R3HDM2: variants seen among roughly 807,000 people sequenced by gnomAD.
The protein encoded by R3HDM2 is R3H domain-containing protein 2.
Under a neutral mutation model 124.5 loss-of-function variants are expected in R3HDM2, and 38 were observed. That is an observed-to-expected ratio of 0.31 (90% CI 0.24 to 0.40). R3HDM2 has a LOEUF of 0.40. Ranked by LOEUF, R3HDM2 falls within the 10% of genes least tolerant of loss-of-function variation. R3HDM2 has a pLI of 1.00. For missense variants in R3HDM2, 869 were observed against 1,236.9 expected (o/e 0.70, Z 4.46); for synonymous variants, 391 against 448.0 (o/e 0.87, Z 1.61).
At chr12:57,258,334 ATTTAT>A (rs1002758228) in intron 20 of R3HDM2, among the ~76,000 whole-genome samples, 197 bp from the exon 21 acceptor site, 2 of 150,538 alleles carry the variant, frequency 1.3e-5, no homozygotes, top group Non-Finnish European at 3.0e-5. Context: ...TTATTTATTT[ATTTAT>A]TTATTTATTT....
chr12:57,370,402 G>T (rs530874911), intron 2 of R3HDM2, among the ~76,000 whole-genome samples: 5 of 131,924 alleles, frequency 3.8e-5, no homozygotes, highest in Admixed American at 1.5e-4. Flanking sequence ...AGGCCCGGGG[G>T]GGGGGGGCGG....
chr12:57,297,555 T>C lies in R3HDM2; in HGVS notation c.501-168A>G, dbSNP rs1485971301. 2.0e-5 allele frequency among the ~76,000 whole-genome samples: 3 copies of C among 152,320 alleles called. No individual in the cohort carries two copies. In the East Asian group the frequency reaches 5.8e-4, roughly 29 times the overall value. ...GCTGCTAAGCCTCACTTGCCTGTTT[T>C]ACAATATTTTTAAAAAGAAAAACAA... On this transcript the variant is annotated intron_variant, in intron 7 of 23. Transcript: ENST00000402412.
chr12:57,368,920 C>T (rs1594042154), intron 2 of R3HDM2, among the ~76,000 whole-genome samples: 1 of 152,248 alleles, frequency 6.6e-6, no homozygotes, highest in Non-Finnish European at 1.5e-5. Context: ...TGTTCTCTAA[C>T]TTTGCACACA....
At chr12:57,429,518 T>C (rs1466376658) in intron 1 of R3HDM2, among the ~76,000 whole-genome samples, 1 of 151,882 alleles carries the variant, frequency 6.6e-6, no homozygotes, top group Non-Finnish European at 1.5e-5. Flanking sequence ...AGCCCAGGAG[T>C]TCCAGACCAG....
At chr12:57,344,795 A>G (rs553411391) in intron 2 of R3HDM2, among the ~76,000 whole-genome samples, 1 of 152,216 alleles carries the variant, frequency 6.6e-6, no homozygotes, top group East Asian at 1.9e-4. Context: ...GAATTTCAAC[A>G]CTAAAGGAAA....
At chr12:57,402,743 C>A (rs563875919) in intron 1 of R3HDM2, among the ~76,000 whole-genome samples, 1 of 151,972 alleles carries the variant, frequency 6.6e-6, no homozygotes, top group Non-Finnish European at 1.5e-5. Flanking sequence ...GTCCTCCAGT[C>A]TGGGCAACAA....
intron 2 of R3HDM2, among the ~76,000 whole-genome samples, chr12:57,383,467 C>T (rs2065205506): frequency 6.6e-6 from 1 of 151,968 alleles, no homozygotes; most frequent in Non-Finnish European, 1.5e-5. Context: ...CTTTGGAAGG[C>T]CGAGGTGGGT....
chr12:57,367,291 A>G lies in R3HDM2; in HGVS notation c.-36+28458T>C, dbSNP rs191039755. Among the ~76,000 whole-genome samples the G allele has an allele frequency of 3.3e-5, 5 of 152,340 alleles. No individual in the cohort carries two copies. In the East Asian group the frequency reaches 9.6e-4, roughly 29 times the overall value. ...CTAAAGCTAAAGCATCCATGACAGGAAAGTTCAATAGAACTTTCTGTGATG... is the reference window on the plus strand; with the variant it reads ...CTAAAGCTAAAGCATCCATGACAGGGAAGTTCAATAGAACTTTCTGTGATG... On this transcript the variant is annotated intron_variant, in intron 2 of 23. Transcript: ENST00000402412.
At chr12:57,295,551 C>T (rs962592652) in intron 9 of R3HDM2, 44 bp from the exon 10 acceptor site, 171 of 1,418,708 alleles carry the variant, frequency 1.2e-4, no homozygotes, top group Non-Finnish European at 1.5e-4. Flanking sequence ...GGACAAAGAC[C>T]GTTTTGTTAG....
chr12:57,343,248 T>C (rs1323360691), intron 2 of R3HDM2, among the ~76,000 whole-genome samples: 4 of 147,974 alleles, frequency 2.7e-5, no homozygotes, highest in Admixed American at 7.0e-5. Flanking sequence ...TAGAGTCCAA[T>C]GGCGCGATCT....
chr12:57,258,932 C>T lies in R3HDM2; in HGVS notation c.2259G>A (p.Gly753=), dbSNP rs1203365354. 2.5e-6 allele frequency: 4 copies of T among 1,611,134 alleles called. No homozygotes were observed. In the African/African-American group the frequency reaches 4.0e-5, roughly 16 times the overall value. Reference sequence around the variant, plus strand: ...GACTGTACAGGTCTCCAGGCTTCTGCCCCCGCTGGTCCATGCTGTAGTATT... The same window carrying T: ...GACTGTACAGGTCTCCAGGCTTCTGTCCCCGCTGGTCCATGCTGTAGTATT... ...HCKYYSMDQR[G]QKPGDLYSPD... The change falls in exon 20 of 24, where the codon GGG becomes GGA. Residue 753 remains glycine (G), a synonymous_variant. Transcript: ENST00000402412.
At chr12:57,387,215 T>C (rs1452888841) in intron 2 of R3HDM2, among the ~76,000 whole-genome samples, 4 of 152,074 alleles carry the variant, frequency 2.6e-5, no homozygotes, top group Non-Finnish European at 5.9e-5. Flanking sequence ...TGTGGAAGCT[T>C]TGTTCTTTCG....
intron 2 of R3HDM2, among the ~76,000 whole-genome samples, chr12:57,366,931 C>T (rs2062733056): frequency 6.6e-6 from 1 of 152,096 alleles, no homozygotes; most frequent in African/African-American, 2.4e-5. Context: ...TCATGATCCG[C>T]CCGCCTTTGC....
chr12:57,317,988 C>CAAAA lies in R3HDM2; in HGVS notation c.-35-7529_-35-7526dup, dbSNP rs769547852. Among the ~76,000 whole-genome samples, 291 of 144,470 alleles carry CAAAA rather than the reference C, an allele frequency of 2.0e-3. 6 individuals are homozygous for CAAAA. The highest frequency in any genetic ancestry group is 2.8e-3 in the Non-Finnish European group (184 of 66,544). The allele number at this position is 144,470 out of a possible 152,430, so 94.8% of individuals were successfully genotyped here. A position where few individuals can be genotyped will look rare whatever the true frequency, so the allele number is the denominator to read the frequency against. On this transcript the variant is annotated intron_variant, in intron 2 of 23. Transcript: ENST00000402412. ...GAGCGAGACTCCGTCCCCGCCCCCC[C>CAAAA]AAAAAAAAAAAAAAGGAATGGCTGG...
chr12:57,362,753 A>AT (rs544310772), intron 2 of R3HDM2, among the ~76,000 whole-genome samples: 134 of 152,108 alleles, frequency 8.8e-4, no homozygotes, highest in Non-Finnish European at 1.7e-3. Flanking sequence ...TATCTTTTAA[A>AT]TTTTTTTTCC....
Position 57,292,514 on chromosome 12 carries a change from GT to G in R3HDM2, c.906+57del, listed in dbSNP as rs2048868840. The G allele has an allele frequency of 3.3e-6, 4 of 1,208,502 alleles. No individual in the cohort carries two copies. In the East Asian group the frequency reaches 1.0e-4, roughly 31 times the overall value. The allele number at this position is 1,208,502 out of a possible 1,614,324, so 74.9% of individuals were successfully genotyped here. A position where few individuals can be genotyped will look rare whatever the true frequency, so the allele number is the denominator to read the frequency against. ...TTGTGGAGGGTTCATTCCATTCACA[GT>G]TCCAATGATTAAGAGCTAAAAGCTA... On this transcript the variant is annotated intron_variant, in intron 11 of 23. Transcript: ENST00000402412.
intron 1 of R3HDM2, among the ~76,000 whole-genome samples, chr12:57,421,399 C>A (rs1416325945): frequency 1.3e-5 from 2 of 151,464 alleles, no homozygotes; most frequent in African/African-American, 4.9e-5. Flanking sequence ...ATCCGCCCAC[C>A]TCAGCCTCCC....
At chr12:57,290,000 G>C (rs1242726200) in intron 11 of R3HDM2, among the ~76,000 whole-genome samples, 1 of 152,026 alleles carries the variant, frequency 6.6e-6, no homozygotes, top group Non-Finnish European at 1.5e-5. Context: ...ACCACAACAA[G>C]AGTTAGAAGT....
At position 57,270,005 on chromosome 12, in the gene R3HDM2, A is replaced by C. The variant is rs566752646; in HGVS notation, c.1345-11T>G. ...GCTGAGGTCATCTGCCTGTTGAGAG[A>C]GTATAAGACACAGGATTGGGGCTGT... On this transcript the variant is annotated splice_polypyrimidine_tract_variant and intron_variant, in intron 14 of 23. Transcript: ENST00000402412. 1 of 1,614,000 alleles carries C rather than the reference A, an allele frequency of 6.2e-7. No homozygotes were observed. Among genetic ancestry groups the C allele is most frequent in the African/African-American group, 1.3e-5 (1 of 74,932 alleles).
Sources: gnomAD v4.1 joint callset for allele counts (sites outside exome capture counted in the v4.1 genomes callset) on GRCh38, gnomAD v4.1.1 for gene constraint, MANE v1.5 for transcripts, NCBI Gene and HGNC (gene_info 2026-07-23, HGNC 2026-07-21) for gene names.